RALYL: variants seen among roughly 807,000 people sequenced by gnomAD.
The protein encoded by RALYL is RALY RNA binding protein like.
Under a neutral mutation model 35.1 loss-of-function variants are expected in RALYL, and 29 were observed. That is an observed-to-expected ratio of 0.83 (90% CI 0.61 to 1.13). The LOEUF (loss-of-function observed/expected upper bound fraction) is 1.13. Ranked by LOEUF, RALYL falls within the 50% of genes most tolerant of loss-of-function variation. The pLI, the probability that RALYL is intolerant of heterozygous loss-of-function variation, is 0.00. For synonymous variants in RALYL, 120 were observed against 127.6 expected (o/e 0.94, Z 0.40); for missense variants, 359 against 360.4 (o/e 1.00, Z 0.03).
chr8:84,669,029 A>G (rs888191682), intron 2 of RALYL, among the ~76,000 whole-genome samples: 1 of 152,134 alleles, frequency 6.6e-6, no homozygotes, highest in Non-Finnish European at 1.5e-5. Flanking sequence ...TTACTCAATG[A>G]TTATCAAGGC....
chr8:84,671,970 C>T (rs1833349905), intron 2 of RALYL, among the ~76,000 whole-genome samples: 1 of 152,308 alleles, frequency 6.6e-6, no homozygotes, highest in African/African-American at 2.4e-5. Context: ...ATTTTCCAAA[C>T]TGTTATGCTC....
intron 2 of RALYL, among the ~76,000 whole-genome samples, chr8:84,667,051 G>A (rs765023688): frequency 1.7e-4 from 26 of 151,992 alleles, no homozygotes; most frequent in Non-Finnish European, 5.9e-5. Context: ...CCTGGACATG[G>A]GTTTTTAAAA....
chr8:84,841,349 C>T (rs1314617028), intron 4 of RALYL, among the ~76,000 whole-genome samples: 1 of 151,986 alleles, frequency 6.6e-6, no homozygotes, highest in Non-Finnish European at 1.5e-5. Context: ...TTTAAACCAA[C>T]AAAGATCAAA....
intron 2 of RALYL, among the ~76,000 whole-genome samples, chr8:84,542,958 C>T (rs770745044): frequency 1.2e-4 from 19 of 152,110 alleles, no homozygotes; most frequent in Admixed American, 3.3e-4. Context: ...TCCCACATCC[C>T]CTTGTATTTT....
chr8:84,392,247 G>GA (rs565459512), intron 1 of RALYL, among the ~76,000 whole-genome samples: 1 of 151,626 alleles, frequency 6.6e-6, no homozygotes, highest in African/African-American at 2.4e-5. Flanking sequence ...CTGCTCAAAG[G>GA]AAAAAAAATC....
intron 1 of RALYL, among the ~76,000 whole-genome samples, chr8:84,312,481 G>A (rs112350580): frequency 0.02 from 3,121 of 152,254 alleles, 116 homozygotes; most frequent in African/African-American, 0.07. Context: ...CCACTTATGA[G>A]CCTGTAAAAT....
intron 2 of RALYL, among the ~76,000 whole-genome samples, chr8:84,727,258 G>A (rs1001627817): frequency 6.6e-6 from 1 of 151,980 alleles, no homozygotes; most frequent in Non-Finnish European, 1.5e-5. Context: ...ACATGATTCT[G>A]CGCTTCTGAA....
At chr8:84,831,282 C>T (rs1001028698) in intron 4 of RALYL, among the ~76,000 whole-genome samples, 2 of 152,018 alleles carry the variant, frequency 1.3e-5, no homozygotes, top group African/African-American at 4.8e-5. Context: ...AAGGTAAAAT[C>T]GAACTCAGTT....
intron 2 of RALYL, among the ~76,000 whole-genome samples, chr8:84,721,389 G>A (rs1843881429): frequency 6.6e-6 from 1 of 152,070 alleles, no homozygotes; most frequent in South Asian, 2.1e-4. Context: ...TCAACTCAGT[G>A]TTCATCAACA....
At chr8:84,369,675 A>G (rs1855275680) in intron 1 of RALYL, among the ~76,000 whole-genome samples, 1 of 152,162 alleles carries the variant, frequency 6.6e-6, no homozygotes, top group Non-Finnish European at 1.5e-5. Context: ...CAAATGAACT[A>G]GCTGAATTAC....
At chr8:84,471,405 A>C (rs2133705207) in intron 1 of RALYL, among the ~76,000 whole-genome samples, 1 of 151,868 alleles carries the variant, frequency 6.6e-6, no homozygotes, top group South Asian at 2.1e-4. Context: ...CAACATAGCA[A>C]GACCACATCT....
chr8:84,836,004 C>T (rs1251876993), intron 4 of RALYL, among the ~76,000 whole-genome samples: 1 of 152,060 alleles, frequency 6.6e-6, no homozygotes, highest in Non-Finnish European at 1.5e-5. Context: ...TGTATGTTAC[C>T]TTGTAAGCCA....
At chr8:84,372,396 T>C (rs1298843091) in intron 1 of RALYL, among the ~76,000 whole-genome samples, 1 of 151,880 alleles carries the variant, frequency 6.6e-6, no homozygotes, top group Non-Finnish European at 1.5e-5. Flanking sequence ...ACAAGAATAG[T>C]TCAAAATCTA....
In RALYL at chr8:84,705,572, T is replaced by C. The variant is rs1003742755; in HGVS notation, c.257-69007T>C. On this transcript the variant is annotated intron_variant, in intron 2 of 8. Transcript: ENST00000521268. ...CAGAAGAAAAGAATTTAGCAGAGTT[T>C]CAAAATAATATACAAATTTCAGTAT... 2.6e-5 allele frequency among the ~76,000 whole-genome samples: 4 copies of C among 152,340 alleles called. No homozygotes were observed. The South Asian group carries it at 8.3e-4, about 32-fold the overall frequency.
At chr8:84,827,492 T>C (rs745737489) in intron 4 of RALYL, among the ~76,000 whole-genome samples, 1 of 152,128 alleles carries the variant, frequency 6.6e-6, no homozygotes, top group Non-Finnish European at 1.5e-5. Flanking sequence ...TTTGATCACA[T>C]GAATAGACTT....
intron 1 of RALYL, among the ~76,000 whole-genome samples, chr8:84,284,402 C>A (rs1476204625): frequency 6.6e-6 from 1 of 152,054 alleles, no homozygotes; most frequent in Non-Finnish European, 1.5e-5. Flanking sequence ...TGATGTTAGG[C>A]TATATAAAAT....
At chr8:84,643,223 A>G (rs1826769789) in intron 2 of RALYL, among the ~76,000 whole-genome samples, 1 of 151,914 alleles carries the variant, frequency 6.6e-6, no homozygotes, top group Admixed American at 6.6e-5. Flanking sequence ...GTCTGAACCA[A>G]CCAAAACCCC....
intron 1 of RALYL, among the ~76,000 whole-genome samples, chr8:84,345,913 T>C (rs1415475678): frequency 1.3e-5 from 2 of 152,058 alleles, no homozygotes; most frequent in Non-Finnish European, 2.9e-5. Context: ...GTTTTCCAAG[T>C]TGCTTTTTAC....
chr8:84,454,442 C>G (rs2049903907), intron 1 of RALYL, among the ~76,000 whole-genome samples: 1 of 151,978 alleles, frequency 6.6e-6, no homozygotes, highest in Non-Finnish European at 1.5e-5. Context: ...CTTTAAGGAT[C>G]AATGAGTTTA....
Sources: allele counts gnomAD v4.1 joint callset (sites outside exome capture counted in the v4.1 genomes callset), GRCh38; gene constraint gnomAD v4.1.1; transcripts MANE v1.5; gene names NCBI Gene and HGNC (gene_info 2026-07-23, HGNC 2026-07-21).